PPP2R2B: variants seen among roughly 807,000 people sequenced by gnomAD.
PPP2R2B encodes the protein serine/threonine-protein phosphatase 2A 55 kDa regulatory subunit B beta isoform.
A neutral mutation model predicts 46.0 loss-of-function variants in PPP2R2B; 5 were observed. The ratio of observed to expected loss-of-function variants is 0.11; its 90% CI spans 0.06 to 0.23. The LOEUF (loss-of-function observed/expected upper bound fraction) is 0.23, where lower values mean the gene tolerates loss of function less well. Ranked by LOEUF, PPP2R2B falls within the 10% of genes least tolerant of loss-of-function variation. PPP2R2B has a pLI of 1.00. For missense variants in PPP2R2B, 367 were observed against 575.0 expected, an observed-to-expected ratio of 0.64 and a Z score of 3.70; for synonymous variants, 215 against 206.7, an observed-to-expected ratio of 1.04 and a Z score of -0.34.
At chr5:146,658,079 T>C (rs952698797) in intron 5 of PPP2R2B, among the ~76,000 whole-genome samples, 22 of 152,166 alleles carry the variant, frequency 1.4e-4, no homozygotes, top group African/African-American at 2.4e-4. Flanking sequence ...GTAGGCAATA[T>C]GTAACCCCCT....
chr5:146,809,728 T>C (rs1318590248), intron 2 of PPP2R2B, among the ~76,000 whole-genome samples: 5 of 151,960 alleles, frequency 3.3e-5, no homozygotes, highest in African/African-American at 1.2e-4. Context: ...CGGGAAATGA[T>C]TGGAGGGTTT....
At chr5:146,657,200 A>G (rs1776387811) in intron 5 of PPP2R2B, among the ~76,000 whole-genome samples, 1 of 152,172 alleles carries the variant, frequency 6.6e-6, no homozygotes, top group Admixed American at 6.5e-5. Flanking sequence ...AGGGGAGGCC[A>G]TGGGGAGGAC....
At chr5:146,631,006 C>G (rs571271974) in intron 7 of PPP2R2B, among the ~76,000 whole-genome samples, 1 of 152,320 alleles carries the variant, frequency 6.6e-6, no homozygotes, top group Admixed American at 6.5e-5. Context: ...GTTGATTTGC[C>G]TCCCCTGTTT....
Position 147,081,422 on chromosome 5 carries a change from A to C in PPP2R2B, c.-194T>G, listed in dbSNP as rs1580897525. The C allele has an allele frequency of 6.9e-6, 6 of 871,126 alleles. No individual in the cohort carries two copies. The South Asian group carries it at 9.4e-5, about 14-fold the overall frequency. The allele number at this position is 871,126 out of a possible 1,614,324, so 54.0% of individuals were successfully genotyped here. On this transcript the variant is annotated 5_prime_UTR_variant, in exon 1 of 11. Transcript: ENST00000394413. ...AGTTTGTCCCTTCTCAGGCCCTGGC[A>C]GCGTCCTGGAGTGGTTACGAAGGAC...
At chr5:146,626,129 T>G (rs1019269417) in intron 7 of PPP2R2B, among the ~76,000 whole-genome samples, 1 of 150,854 alleles carries the variant, frequency 6.6e-6, no homozygotes, top group African/African-American at 2.5e-5. Context: ...AGTGTTGTTT[T>G]AAGCCACTAC....
chr5:146,651,247 T>C (rs1775936656), intron 5 of PPP2R2B, among the ~76,000 whole-genome samples: 1 of 152,200 alleles, frequency 6.6e-6, no homozygotes, highest in South Asian at 2.1e-4. Flanking sequence ...CCCAAGACTC[T>C]AATCGTCCAA....
chr5:146,864,906 C>T (rs1245762384), intron 2 of PPP2R2B, among the ~76,000 whole-genome samples: 8 of 152,090 alleles, frequency 5.3e-5, no homozygotes, highest in African/African-American at 9.7e-5. Context: ...AAGTGGAAAA[C>T]GCCTACAGTA....
At chr5:146,947,778 G>T (rs924800757) in intron 1 of PPP2R2B, among the ~76,000 whole-genome samples, 4 of 151,622 alleles carry the variant, frequency 2.6e-5, no homozygotes, top group African/African-American at 9.7e-5. Flanking sequence ...CTTTGGAGCC[G>T]CTGTAAGTGA....
At chr5:146,814,799 A>G (rs1757829448) in intron 2 of PPP2R2B, among the ~76,000 whole-genome samples, 1 of 152,236 alleles carries the variant, frequency 6.6e-6, no homozygotes, top group Non-Finnish European at 1.5e-5. Flanking sequence ...CCCCAGAGGT[A>G]TGACAACATG....
intron 2 of PPP2R2B, among the ~76,000 whole-genome samples, chr5:147,069,577 T>TGCAG (rs1321091205): frequency 4.6e-5 from 7 of 152,122 alleles, no homozygotes; most frequent in Admixed American, 1.3e-4. Context: ...TGGCCATGCC[T>TGCAG]GGATTGCTTC....
chr5:147,055,623 CT>C, intron 1 of PPP2R2B: 1 of 1,557,804 alleles, frequency 6.4e-7, no homozygotes, highest in South Asian at 1.1e-5. Flanking sequence ...CACCAGCCCA[CT>C]TTTCCCACCC....
chr5:146,716,041 G>A (rs1780479131), intron 2 of PPP2R2B, among the ~76,000 whole-genome samples: 1 of 152,090 alleles, frequency 6.6e-6, no homozygotes, highest in South Asian at 2.1e-4. Flanking sequence ...AATTGTGCCT[G>A]TTGACATCTC....
chr5:147,070,112 T>A, intron 2 of PPP2R2B, among the ~76,000 whole-genome samples: 1 of 152,060 alleles, frequency 6.6e-6, no homozygotes, highest in Non-Finnish European at 1.5e-5. Context: ...TTATAGCATA[T>A]GTCATCATCA....
At chr5:146,864,808 T>A (rs569551569) in intron 2 of PPP2R2B, among the ~76,000 whole-genome samples, 3 of 152,214 alleles carry the variant, frequency 2.0e-5, no homozygotes, top group East Asian at 1.9e-4. Context: ...TTCTCTGATC[T>A]TCACCCCACA....
intron 2 of PPP2R2B, among the ~76,000 whole-genome samples, chr5:146,734,015 A>C (rs6580439): frequency 6.6e-6 from 1 of 151,172 alleles, no homozygotes; most frequent in Non-Finnish European, 1.5e-5. Flanking sequence ...TGCTTTACAT[A>C]TATTACCTCA....
At position 147,081,343 on chromosome 5, in the gene PPP2R2B, GCT is replaced by G; in HGVS notation, c.-117_-116del. On this transcript the variant is annotated 5_prime_UTR_variant, in exon 1 of 11. Transcript: ENST00000394413. ...GTACCACGTCCTGCTGTGAATCACT[GCT>G]CTGTCTCCTCCGTTTGACCAGGCCA... 2.0e-6 allele frequency: 3 copies of G among 1,512,018 alleles called. No homozygotes were observed. In the South Asian group the frequency reaches 3.6e-5, roughly 18 times the overall value. The allele number at this position is 1,512,018 out of a possible 1,614,324, so 93.7% of individuals were successfully genotyped here. A position where few individuals can be genotyped will look rare whatever the true frequency, so the allele number is the denominator to read the frequency against.
At chr5:146,858,982 G>A (rs1208398958) in intron 2 of PPP2R2B, among the ~76,000 whole-genome samples, 1 of 152,174 alleles carries the variant, frequency 6.6e-6, no homozygotes, top group Non-Finnish European at 1.5e-5. Flanking sequence ...TTAGTGGTCA[G>A]TGTCTTACAG....
chr5:146,920,167 T>C (rs1451028787), intron 1 of PPP2R2B, among the ~76,000 whole-genome samples: 2 of 152,214 alleles, frequency 1.3e-5, no homozygotes, highest in African/African-American at 4.8e-5. Context: ...TTTGGGTTTC[T>C]GAAAAGGTGG....
intron 2 of PPP2R2B, among the ~76,000 whole-genome samples, chr5:146,708,300 T>G (rs1779996955): frequency 6.7e-6 from 1 of 149,548 alleles, no homozygotes; most frequent in South Asian, 2.1e-4. Flanking sequence ...GAGGTTGCAG[T>G]GAGCCGAGAT....
Sources: allele counts gnomAD v4.1 joint callset (sites outside exome capture counted in the v4.1 genomes callset), GRCh38; gene constraint gnomAD v4.1.1; transcripts MANE v1.5; gene names NCBI Gene and HGNC (gene_info 2026-07-23, HGNC 2026-07-21).